LHFPL3: variants seen among roughly 807,000 people sequenced by gnomAD.
The protein encoded by LHFPL3 is LHFPL tetraspan subfamily member 3.
In LHFPL3, 5 loss-of-function variants were observed where a neutral mutation model predicts 19.3. The observed-to-expected ratio is 0.26, with a 90% CI of 0.14 to 0.54. LHFPL3 has a LOEUF of 0.54. LHFPL3 is among the 20% of genes least tolerant of loss of function. The pLI is 0.94. For synonymous variants in LHFPL3, 133 were observed against 126.2 expected (o/e 1.05, Z -0.36); for missense variants, 249 against 307.4 (o/e 0.81, Z 1.42).
At chr7:104,711,164 ACT>A (rs1793294132) in intron 1 of LHFPL3, among the ~76,000 whole-genome samples, 1 of 152,176 alleles carries the variant, frequency 6.6e-6, no homozygotes, top group African/African-American at 2.4e-5. Flanking sequence ...TAGCAATATC[ACT>A]CTGCAGTTAT....
chr7:104,390,799 A>T (rs1791050458), intron 1 of LHFPL3, among the ~76,000 whole-genome samples: 1 of 152,232 alleles, frequency 6.6e-6, no homozygotes, highest in Admixed American at 6.5e-5. Context: ...CAGCCCCACC[A>T]ACAGTGTAAA....
chr7:104,831,128 C>T (rs1314271520), intron 2 of LHFPL3, among the ~76,000 whole-genome samples: 1 of 151,990 alleles, frequency 6.6e-6, no homozygotes, highest in Admixed American at 6.5e-5. Context: ...TTGACCATTT[C>T]ACTGTGTGAC....
At chr7:104,471,649 A>G (rs544156588) in intron 1 of LHFPL3, among the ~76,000 whole-genome samples, 2 of 152,258 alleles carry the variant, frequency 1.3e-5, no homozygotes, top group East Asian at 3.9e-4. Flanking sequence ...TTTCTACTCT[A>G]CTGTGTGGCC....
At chr7:104,433,258 T>C (rs1226806206) in intron 1 of LHFPL3, among the ~76,000 whole-genome samples, 1 of 152,180 alleles carries the variant, frequency 6.6e-6, no homozygotes, top group Non-Finnish European at 1.5e-5. Context: ...ATGTAGCCTT[T>C]GGAAAAGTTT....
At chr7:104,590,999 G>C (rs919058454) in intron 1 of LHFPL3, among the ~76,000 whole-genome samples, 3 of 152,010 alleles carry the variant, frequency 2.0e-5, no homozygotes, top group African/African-American at 7.2e-5. Context: ...ATTTGAGCTT[G>C]TGTGTGTCTC....
intron 1 of LHFPL3, among the ~76,000 whole-genome samples, chr7:104,596,146 C>T (rs1406854438): frequency 2.0e-5 from 3 of 152,244 alleles, no homozygotes; most frequent in Admixed American, 1.3e-4. Context: ...CCATGTTGAT[C>T]ACACTGGGAG....
chr7:104,712,574 T>A (rs1220992992), intron 1 of LHFPL3, among the ~76,000 whole-genome samples: 1 of 152,136 alleles, frequency 6.6e-6, no homozygotes, highest in Non-Finnish European at 1.5e-5. Context: ...GCACCCACCA[T>A]TACTGGCTTT....
rs1437610291 is a variant in LHFPL3, at chr7:104,907,611, T to A, written c.*1396T>A. Among the ~76,000 whole-genome samples the A allele has an allele frequency of 6.6e-6, 1 of 152,194 alleles. No individual in the cohort carries two copies. The highest frequency in any genetic ancestry group is 1.5e-5 in the Non-Finnish European group (1 of 68,028). ...CAAGCTAAAATACATGCAAGGGTAC[T>A]TAATGGAAGCCAAACCATGTTCTAT... On this transcript the variant is annotated 3_prime_UTR_variant, in exon 3 of 3. Coordinates refer to ENST00000424859, the MANE Select transcript of LHFPL3 (RefSeq NM_199000.3).
At chr7:104,690,218 C>T (rs1004723496) in intron 1 of LHFPL3, among the ~76,000 whole-genome samples, 1 of 152,282 alleles carries the variant, frequency 6.6e-6, no homozygotes, top group Non-Finnish European at 1.5e-5. Context: ...CCAGTTGCAG[C>T]TGCTGTACCA....
chr7:104,707,224 G>A (rs1187296477), intron 1 of LHFPL3, among the ~76,000 whole-genome samples: 1 of 152,164 alleles, frequency 6.6e-6, no homozygotes, highest in Non-Finnish European at 1.5e-5. Flanking sequence ...AATTCCCAGG[G>A]TACATAGTGT....
At chr7:104,900,134 T>C (rs1792454449) in intron 2 of LHFPL3, among the ~76,000 whole-genome samples, 1 of 152,260 alleles carries the variant, frequency 6.6e-6, no homozygotes, top group South Asian at 2.1e-4. Flanking sequence ...TAAAAGCCTT[T>C]CAACCTATGT....
rs149110750 is a variant in LHFPL3, at chr7:104,810,853, C to G, written c.682+73942C>G. On this transcript the variant is annotated intron_variant, in intron 2 of 2. Coordinates refer to ENST00000424859, the MANE Select transcript of LHFPL3 (RefSeq NM_199000.3). ...AATCCTTGACCAAATTGTTTTCCAC[C>G]AGGAAAACATTCAAGGAAATCATTT... 2.1e-3 allele frequency among the ~76,000 whole-genome samples: 325 copies of G among 152,302 alleles called. 3 individuals carry two copies. The highest frequency in any genetic ancestry group is 7.5e-3 in the African/African-American group (312 of 41,552).
chr7:104,762,894 A>T (rs1486580557), intron 2 of LHFPL3, among the ~76,000 whole-genome samples: 2 of 152,196 alleles, frequency 1.3e-5, no homozygotes, highest in Non-Finnish European at 2.9e-5. Flanking sequence ...AAGCACATGG[A>T]CAGAGGAGTC....
intron 1 of LHFPL3, among the ~76,000 whole-genome samples, chr7:104,722,598 T>TTCTAGAGG (rs1793508660): frequency 6.6e-6 from 1 of 152,182 alleles, no homozygotes; most frequent in Non-Finnish European, 1.5e-5. Context: ...ATTATACTTT[T>TTCTAGAGG]TCTAGAGGTA....
intron 2 of LHFPL3, among the ~76,000 whole-genome samples, chr7:104,876,867 G>A (rs933822143): frequency 2.0e-4 from 31 of 152,166 alleles, no homozygotes; most frequent in Non-Finnish European, 4.3e-4. Flanking sequence ...CAAAGACTTG[G>A]AACCAACCCA....
intron 1 of LHFPL3, among the ~76,000 whole-genome samples, chr7:104,587,791 G>C (rs1790611899): frequency 6.6e-6 from 1 of 152,000 alleles, no homozygotes. Context: ...GTTGTTTCCT[G>C]ACTTTTTAAT....
At chr7:104,544,318 A>G (rs988303598) in intron 1 of LHFPL3, among the ~76,000 whole-genome samples, 47 of 152,316 alleles carry the variant, frequency 3.1e-4, no homozygotes, top group African/African-American at 1.1e-3. Flanking sequence ...GAAAATCTGT[A>G]TGGCCCCATA....
intron 1 of LHFPL3, among the ~76,000 whole-genome samples, chr7:104,407,136 C>T (rs1356663032): frequency 1.3e-5 from 2 of 152,302 alleles, no homozygotes; most frequent in Non-Finnish European, 2.9e-5. Context: ...ACAAAAATAA[C>T]TCTTCCTTTC....
At chr7:104,494,717 AC>A (rs886071792) in intron 1 of LHFPL3, among the ~76,000 whole-genome samples, 2 of 151,978 alleles carry the variant, frequency 1.3e-5, no homozygotes, top group Admixed American at 1.3e-4. Context: ...CCTTGCTTGC[AC>A]CCTCATGGAC....
Sources: gnomAD v4.1 joint callset for allele counts (sites outside exome capture counted in the v4.1 genomes callset) on GRCh38, gnomAD v4.1.1 for gene constraint, MANE v1.5 for transcripts, NCBI Gene and HGNC (gene_info 2026-07-23, HGNC 2026-07-21) for gene names.